The following ADARB1 variants were observed in gnomAD, a reference collection of about 807,000 sequenced individuals.
The protein encoded by ADARB1 is double-stranded RNA-specific editase 1.
In ADARB1, 10 loss-of-function variants were observed where a neutral mutation model predicts 52.4. That is an observed-to-expected ratio of 0.19 (90% CI 0.12 to 0.32). The LOEUF (loss-of-function observed/expected upper bound fraction) is 0.32. Ranked by LOEUF, ADARB1 falls within the 10% of genes least tolerant of loss-of-function variation. ADARB1 has a pLI of 1.00. For synonymous variants in ADARB1, 349 were observed against 371.1 expected (o/e 0.94, Z 0.68); for missense variants, 643 against 922.3 (o/e 0.70, Z 3.92).
chr21:45,113,499 G>GTGTGTGTGTGTATATA (rs2087659777), intron 1 of ADARB1, among the ~76,000 whole-genome samples: 6 of 28,206 alleles, frequency 2.1e-4, no homozygotes, highest in South Asian at 1.2e-3. Context: ...GTGTATATAT[G>GTGTGTGTGTGTATATA]TGTGTGTGTG....
intron 3 of ADARB1, among the ~76,000 whole-genome samples, chr21:45,173,752 G>T (rs2091579310): frequency 6.6e-6 from 1 of 150,864 alleles, no homozygotes; most frequent in South Asian, 2.1e-4. Flanking sequence ...TTCCCTTTGA[G>T]CACCGAAAGG....
chr21:45,157,840 A>G lies in ADARB1; in HGVS notation c.-47-13770A>G, dbSNP rs140453688. On this transcript the variant is annotated intron_variant, in intron 2 of 10. Transcript: ENST00000348831. This position sits in a 1 kb window ranked among gnomAD's most constrained non-coding sequence, Gnocchi z 4.1. ...CCATCCTTAAGCTCTGTTCTCTAAC[A>G]GAAGTCACCCTGGCAGTTGCTTCTA... Among the ~76,000 whole-genome samples the G allele has an allele frequency of 5.1e-3, 775 of 152,318 alleles. 6 individuals are homozygous for G. Among genetic ancestry groups the G allele is most frequent in the Non-Finnish European group, 6.0e-3 (407 of 68,022 alleles).
intron 2 of ADARB1, among the ~76,000 whole-genome samples, chr21:45,133,955 TGGTGTGTGCGCCCGACGGG>T (rs1181613894): frequency 1.7e-5 from 1 of 57,704 alleles, no homozygotes; most frequent in East Asian, 5.7e-4. Context: ...TGCCCGACAG[TGGTGTGTGCGCCCGACGGG>T]GGTGTGTGCC....
At chr21:45,209,388 C>G (rs1032230500) in intron 9 of ADARB1, among the ~76,000 whole-genome samples, 1 of 152,216 alleles carries the variant, frequency 6.6e-6, no homozygotes, top group Non-Finnish European at 1.5e-5. Flanking sequence ...TTATTTTTCA[C>G]TTTGCTGGAA....
chr21:45,192,678 A>G (rs1451791911), intron 8 of ADARB1, among the ~76,000 whole-genome samples: 1 of 152,180 alleles, frequency 6.6e-6, no homozygotes, highest in African/African-American at 2.4e-5. Context: ...TGAAGCACCA[A>G]ATGTGTAAGA....
intron 9 of ADARB1, among the ~76,000 whole-genome samples, chr21:45,213,477 A>G (rs996406559): frequency 1.3e-5 from 2 of 152,332 alleles, no homozygotes; most frequent in East Asian, 1.9e-4. Context: ...GGTCTGTGCA[A>G]CCATCACCAC....
In ADARB1 at chr21:45,225,500, G is replaced by T. The variant is rs376631843; in HGVS notation, c.*3303G>T. On this transcript the variant is annotated 3_prime_UTR_variant, in exon 11 of 11. Coordinates refer to ENST00000348831, the MANE Select transcript of ADARB1 (RefSeq NM_001112.4). ...ATATTTATCTCCAGGCTGTGGAATC[G>T]CCACTTTCTTTGTGAAGACAGTGTC... 1.5e-5 allele frequency: 20 copies of T among 1,316,116 alleles called. No homozygotes were observed. The highest frequency in any genetic ancestry group is 3.0e-5 in the Admixed American group (1 of 33,008). 81.5% of individuals were successfully genotyped at this position (1,316,116 alleles called of 1,614,324 possible). A position where few individuals can be genotyped will look rare whatever the true frequency, so the allele number is the denominator to read the frequency against.
At chr21:45,132,309 CAG>C (rs1475083192) in intron 2 of ADARB1, 2 of 152,170 alleles carry the variant, frequency 1.3e-5, no homozygotes, top group African/African-American at 4.8e-5. Flanking sequence ...CTGGCCAGGT[CAG>C]AGGATTCATT....
In ADARB1 at chr21:45,204,401, A is replaced by G. The variant is rs559613434; in HGVS notation, c.1566-154A>G. Among the ~76,000 whole-genome samples the G allele has an allele frequency of 6.6e-6, 1 of 152,322 alleles. No individual in the cohort carries two copies. The highest frequency in any genetic ancestry group is 2.1e-4 in the South Asian group (1 of 4,826). On this transcript the variant is annotated intron_variant, in intron 8 of 10. Transcript: ENST00000348831. The surrounding 1 kb of genome is among the most constrained non-coding windows in gnomAD (Gnocchi z 4.4). ...TTTGTCTTTGTGATCGTAAGCTGCTAAATCAGTCTGTTAACTTTTTGTTGC... is the reference window on the plus strand; with the variant it reads ...TTTGTCTTTGTGATCGTAAGCTGCTGAATCAGTCTGTTAACTTTTTGTTGC...
intron 1 of ADARB1, among the ~76,000 whole-genome samples, chr21:45,096,310 C>T (rs1405780672): frequency 3.3e-5 from 5 of 152,174 alleles, no homozygotes; most frequent in African/African-American, 4.8e-5. Flanking sequence ...GGAACAGAAG[C>T]GCAAGGGACA....
At chr21:45,171,588 C>T in intron 2 of ADARB1, 22 bp from the exon 3 acceptor site, 1 of 1,477,176 alleles carries the variant, frequency 6.8e-7, no homozygotes. Context: ...ACACTAAATG[C>T]TATTTTCTTA....
intron 1 of ADARB1, among the ~76,000 whole-genome samples, chr21:45,109,731 A>C (rs970794269): frequency 5.3e-5 from 8 of 152,334 alleles, no homozygotes; most frequent in African/African-American, 1.9e-4. Flanking sequence ...CAGGTTTACT[A>C]TTAAAACCAA....
At chr21:45,205,356 C>T (rs2092647184) in intron 9 of ADARB1, among the ~76,000 whole-genome samples, 3 of 152,238 alleles carry the variant, frequency 2.0e-5, no homozygotes, top group Admixed American at 2.0e-4. Context: ...CACTCAGGCA[C>T]TGTATTCATT....
chr21:45,120,415 A>G (rs1196636728), intron 1 of ADARB1, among the ~76,000 whole-genome samples: 2 of 152,216 alleles, frequency 1.3e-5, no homozygotes, highest in African/African-American at 4.8e-5. Context: ...CCTGAAGCCC[A>G]TTCGTGAACT....
At chr21:45,076,965 G>C (rs7276867) in intron 1 of ADARB1, among the ~76,000 whole-genome samples, 86,627 of 152,090 alleles carry the variant, frequency 0.57, 24,826 homozygotes, top group East Asian at 0.74. Context: ...CAAGCACACA[G>C]TACCTACAGA....
intron 2 of ADARB1, among the ~76,000 whole-genome samples, chr21:45,160,280 A>G (rs763027724): frequency 5.9e-5 from 9 of 152,256 alleles, no homozygotes; most frequent in South Asian, 4.1e-4. Context: ...GCTGGACCGA[A>G]GGAGGTGGGA....
Position 45,142,182 on chromosome 21 carries a change from G to T in ADARB1, c.-48+13609G>T, listed in dbSNP as rs1235137897. 3.3e-5 allele frequency among the ~76,000 whole-genome samples: 5 copies of T among 152,236 alleles called. No homozygotes were observed. Among genetic ancestry groups the T allele is most frequent in the Non-Finnish European group, 7.3e-5 (5 of 68,044 alleles). On this transcript the variant is annotated intron_variant, in intron 2 of 10. Transcript: ENST00000348831. This position sits in a 1 kb window ranked among gnomAD's most constrained non-coding sequence, Gnocchi z 4.0. ...CTTTAAGCCACATTATGCTACTGCA[G>T]CTAATTAAGGTCGCTCAATTCAAGT...
At chr21:45,167,959 A>G (rs868059920) in intron 2 of ADARB1, among the ~76,000 whole-genome samples, 7 of 151,978 alleles carry the variant, frequency 4.6e-5, no homozygotes, top group Non-Finnish European at 1.0e-4. Context: ...CCAGCAGTCT[A>G]TGAGAGATCC....
chr21:45,123,770 T>C (rs2088368409), intron 1 of ADARB1, among the ~76,000 whole-genome samples: 1 of 152,140 alleles, frequency 6.6e-6, no homozygotes, highest in South Asian at 2.1e-4. Context: ...CTCGCTGAGT[T>C]TTTAATTTTT....
Sources: gnomAD v4.1 joint callset for allele counts (sites outside exome capture counted in the v4.1 genomes callset) on GRCh38, gnomAD v4.1.1 for gene constraint, Gnocchi (gnomAD v3.1) non-coding constraint, MANE v1.5 for transcripts, NCBI Gene and HGNC (gene_info 2026-07-23, HGNC 2026-07-21) for gene names.